The following LIG1 variants were observed in gnomAD, a reference collection of about 807,000 sequenced individuals.
LIG1 encodes DNA ligase 1.
In LIG1, 70 loss-of-function variants were observed where a neutral mutation model predicts 115.7. The observed-to-expected ratio is 0.60, with a 90% CI of 0.50 to 0.74. The LOEUF is 0.74. Among genes scored for constraint, LIG1 ranks in the 30% least tolerant of loss-of-function variants. The probability of loss-of-function intolerance (pLI) is 0.00; values close to 1 mark genes in which losing one functional copy is unlikely to be tolerated. For missense variants in LIG1, 1,115 were observed against 1,225.6 expected, an observed-to-expected ratio of 0.91 and a Z score of 1.35; for synonymous variants, 487 against 495.3, an observed-to-expected ratio of 0.98 and a Z score of 0.22.
At chr19:48,131,571 G>A (rs1432210526) in intron 18 of LIG1, among the ~76,000 whole-genome samples, 4 of 152,172 alleles carry the variant, frequency 2.6e-5, no homozygotes, top group African/African-American at 4.8e-5. Context: ...AGAGCCTTCC[G>A]CCTCAGCCTC....
chr19:48,150,755 T>C (rs1023920611), intron 7 of LIG1, among the ~76,000 whole-genome samples: 3 of 152,190 alleles, frequency 2.0e-5, no homozygotes, highest in African/African-American at 7.2e-5. Flanking sequence ...TGGAGTGCAG[T>C]GGTGCGACCA....
At chr19:48,124,515 G>A (rs1341252232) in intron 21 of LIG1, among the ~76,000 whole-genome samples, 1 of 152,210 alleles carries the variant, frequency 6.6e-6, no homozygotes, top group Non-Finnish European at 1.5e-5. Flanking sequence ...CCCTTGAAAT[G>A]TAGCAAGTTC....
At chr19:48,162,157 T>A in intron 3 of LIG1, 105 bp downstream of exon 3, 1 of 1,132,730 alleles carries the variant, frequency 8.8e-7, no homozygotes, top group Non-Finnish European at 1.3e-6. Flanking sequence ...GCTGAAAAAG[T>A]TTTTTGGGCC....
intron 1 of LIG1, chr19:48,165,838 CCTCCTTTACCATAAGAAGA>C (rs1164646292): frequency 3.4e-6 from 2 of 586,006 alleles, no homozygotes; most frequent in African/African-American, 3.8e-5. Flanking sequence ...AGATAAGAGG[CCTCCTTTACCATAAGAAGA>C]CTGTTTTTCA....
chr19:48,162,984 G>A (rs1026135284), intron 2 of LIG1, among the ~76,000 whole-genome samples: 10 of 150,930 alleles, frequency 6.6e-5, no homozygotes, highest in African/African-American at 2.4e-4. Context: ...GTGTGATCTC[G>A]GCTCACTGCA....
intron 1 of LIG1, among the ~76,000 whole-genome samples, chr19:48,167,847 A>AAAAC (rs1342107495): frequency 5.3e-5 from 8 of 151,318 alleles, no homozygotes; most frequent in Admixed American, 1.3e-4. Context: ...AAAAAAAAAA[A>AAAAC]AAACAAACAA....
At chr19:48,116,585 TCAGGAGCCG>T (rs1434335536) in intron 26 of LIG1, among the ~76,000 whole-genome samples, 2 of 151,916 alleles carry the variant, frequency 1.3e-5, no homozygotes, top group Non-Finnish European at 2.9e-5. Context: ...CTCCCAACTC[TCAGGAGCCG>T]CGTGATGCAG....
intron 21 of LIG1, among the ~76,000 whole-genome samples, chr19:48,124,478 C>T (rs1229162684): frequency 6.6e-6 from 1 of 152,078 alleles, no homozygotes; most frequent in Non-Finnish European, 1.5e-5. Context: ...CCAGTGTAGC[C>T]GCCACCAGCC....
At chr19:48,152,761 A>T (rs1244836491) in intron 6 of LIG1, among the ~76,000 whole-genome samples, 1 of 152,222 alleles carries the variant, frequency 6.6e-6, no homozygotes, top group African/African-American at 2.4e-5. Flanking sequence ...GGGTTTTCAT[A>T]GGTTGCTGCT....
chr19:48,143,563 C>A lies in LIG1; in HGVS notation c.894G>T (p.Lys298Asn), dbSNP rs1167087084. 2.0e-6 allele frequency: 3 copies of A among 1,491,232 alleles called. No individual in the cohort carries two copies. The highest frequency in any genetic ancestry group is 2.9e-5 in the African/African-American group (2 of 69,112). The allele number at this position is 1,491,232 out of a possible 1,614,324, so 92.4% of individuals were successfully genotyped here. The change falls in exon 11 of 28, where the codon AAG becomes AAT. Residue 298 changes from lysine (K) to asparagine (N), a missense_variant. Lys to Asn is a moderately conservative substitution (Grantham distance 94). Transcript: ENST00000263274. ...PYLAVARTFEKIEEVSARLRM... is the reference protein window; with the variant it reads ...PYLAVARTFENIEEVSARLRM... ...GTTACCGAGCAGACACCTCCTCGATCTTCTCAAACGTCCGGGCCACAGCCA... is the reference window on the plus strand; with the variant it reads ...GTTACCGAGCAGACACCTCCTCGATATTCTCAAACGTCCGGGCCACAGCCA...
chr19:48,139,865 CCT>C, intron 12 of LIG1, 104 bp downstream of exon 12: 2 of 1,338,944 alleles, frequency 1.5e-6, no homozygotes, highest in Non-Finnish European at 2.1e-6. Context: ...TCTCCTCAAC[CCT>C]GTTTCACAGC....
intron 6 of LIG1, among the ~76,000 whole-genome samples, chr19:48,152,159 G>C (rs1024931907): frequency 6.6e-6 from 1 of 151,942 alleles, no homozygotes; most frequent in Non-Finnish European, 1.5e-5. Context: ...GTCTCCCTCT[G>C]TCGCCCAGGC....
rs758287154 is a variant in LIG1, at chr19:48,126,745, A to AT, written c.2004+531dup. Among the ~76,000 whole-genome samples, 1,398 of 145,974 alleles carry AT rather than the reference A, an allele frequency of 9.6e-3. 11 individuals are homozygous for AT. Among genetic ancestry groups the AT allele is most frequent in the African/African-American group, 0.015 (581 of 39,802 alleles). On this transcript the variant is annotated intron_variant, in intron 21 of 27. Transcript: ENST00000263274. ...CAATATGCTCACCCAAATAATATTA[A>AT]TTTTTTTTTTTTTTTTGAATAGACA...
At position 48,136,083 on chromosome 19, in the gene LIG1, C is replaced by G; in HGVS notation, c.1374G>C (p.Ser458=). ...GRLRLGLAEQ[S]VLAALSQAVS... ...CTGCCTGGGAGAGGGCAGCCAGCACCGACTGCTCTGCCAGCCCAAGGCGCA... is the reference window on the plus strand; with the variant it reads ...CTGCCTGGGAGAGGGCAGCCAGCACGGACTGCTCTGCCAGCCCAAGGCGCA... The change falls in exon 15 of 28, where the codon TCG becomes TCC. Residue 458 remains serine (S), a synonymous_variant. Transcript: ENST00000263274. 1 of 1,573,860 alleles carries G rather than the reference C, an allele frequency of 6.4e-7. No individual in the cohort carries two copies. Among genetic ancestry groups the G allele is most frequent in the Non-Finnish European group, 8.6e-7 (1 of 1,160,094 alleles).
At chr19:48,169,977 A>C in intron 1 of LIG1, 1 of 220,716 alleles carries the variant, frequency 4.5e-6, no homozygotes, top group Non-Finnish European at 8.4e-6. Flanking sequence ...CTCGCACCTC[A>C]AGGCCTCTTC....
chr19:48,154,086 C>T (rs1444429031), intron 5 of LIG1, 119 bp from the exon 6 acceptor site: 1 of 818,024 alleles, frequency 1.2e-6, no homozygotes, highest in South Asian at 1.4e-5. Context: ...CCTTCTCTGC[C>T]TGCACACAGT....
At position 48,118,663 on chromosome 19, in the gene LIG1, C is replaced by T. The variant is rs1159024932; in HGVS notation, c.2439+474G>A. Among the ~76,000 whole-genome samples the T allele has an allele frequency of 2.4e-3, 364 of 149,640 alleles. 2 individuals are homozygous for T. Among genetic ancestry groups the T allele is most frequent in the African/African-American group, 8.6e-3 (337 of 39,278 alleles). On this transcript the variant is annotated intron_variant, in intron 25 of 27. Coordinates refer to ENST00000263274, the MANE Select transcript of LIG1 (RefSeq NM_000234.3). ...AAGCAATTCTTCTGCCTCAGCCTCC[C>T]AAGTAGCTGGGACCACAGGCATGCG...
Position 48,115,914 on chromosome 19 carries a change from G to A in LIG1, c.2635C>T (p.Arg879Cys), listed in dbSNP as rs1051793362. ...SLRFPRFIRV[R>C]EDKQPEQATT... is the part of the protein sequence containing the mutation. Reference sequence around the variant, plus strand: ...GCCTGCTCCGGCTGCTTGTCTTCACGGACTCGAATAAACCGAGGGAAGCGA... The same window carrying A: ...GCCTGCTCCGGCTGCTTGTCTTCACAGACTCGAATAAACCGAGGGAAGCGA... The change falls in exon 27 of 28, where the codon CGT (arginine) becomes TGT (cysteine). Residue 879 changes from arginine to cysteine, a missense_variant. Arg to Cys is a radical substitution (Grantham distance 180, BLOSUM62 -3). Coordinates refer to ENST00000263274, the MANE Select transcript of LIG1 (RefSeq NM_000234.3). 23 of 1,613,888 alleles carry A rather than the reference G, an allele frequency of 1.4e-5. No homozygotes were observed. The Admixed American group carries it at 2.7e-4, about 19-fold the overall frequency.
chr19:48,116,114 T>C (rs2032797141), intron 26 of LIG1, 149 bp from the exon 27 acceptor site: 21 of 694,246 alleles, frequency 3.0e-5, no homozygotes, highest in Non-Finnish European at 5.4e-5. Context: ...GACAAAGTGC[T>C]TGGAACAGTA....
Sources: allele counts gnomAD v4.1 joint callset (sites outside exome capture counted in the v4.1 genomes callset), GRCh38; gene constraint gnomAD v4.1.1; transcripts MANE v1.5; gene names NCBI Gene and HGNC (gene_info 2026-07-23, HGNC 2026-07-21).